MFSD11: variants seen among roughly 807,000 people sequenced by gnomAD.
MFSD11 encodes the protein major facilitator superfamily domain containing 11, also known as UNC93-like protein MFSD11.
MFSD11 carries 36 observed loss-of-function variants against 53.5 expected under a neutral mutation model. The observed-to-expected ratio is 0.67, with a 90% CI of 0.52 to 0.89. The LOEUF (loss-of-function observed/expected upper bound fraction) is 0.89. Among genes scored for constraint, MFSD11 ranks in the 40% least tolerant of loss-of-function variants. The pLI, the probability that MFSD11 is intolerant of heterozygous loss-of-function variation, is 0.00. For missense variants in MFSD11, 530 were observed against 543.9 expected, an observed-to-expected ratio of 0.97 and a Z score of 0.25; for synonymous variants, 186 against 184.9, an observed-to-expected ratio of 1.01 and a Z score of -0.05.
Position 76,764,575 on chromosome 17 carries a change from G to A in MFSD11, c.683-2811G>A, listed in dbSNP as rs559505242. ...AGGTTCATCCACGTTGCCCTAAATG[G>A]CAGGATTTCCTTTTGTAAGGCTGAA... is the stretch of plus-strand genomic sequence containing the variant. On this transcript the variant is annotated intron_variant, in intron 8 of 12. Transcript: ENST00000685175. Among the ~76,000 whole-genome samples, 120 of 152,260 alleles carry A rather than the reference G, an allele frequency of 7.9e-4. No homozygotes were observed. In the South Asian group the frequency reaches 0.012, roughly 16 times the overall value.
chr17:76,763,104 T>C (rs1031879945), intron 8 of MFSD11, among the ~76,000 whole-genome samples: 8 of 152,146 alleles, frequency 5.3e-5, no homozygotes, highest in Non-Finnish European at 1.0e-4. Flanking sequence ...TCAGATCTCT[T>C]TGATGCACAC....
At chr17:76,737,504 A>C, upstream of MFSD11, 5 of 305,962 alleles carry the variant, frequency 1.6e-5, no homozygotes, top group East Asian at 5.1e-5. Flanking sequence ...GCGGGCCAAA[A>C]AGCGCGGAGT....
At chr17:76,743,565 A>G (rs1252118729) in intron 6 of MFSD11, 109 bp downstream of exon 6, 2 of 601,076 alleles carry the variant, frequency 3.3e-6, no homozygotes, top group Admixed American at 3.1e-5. Context: ...GAACCCCGAC[A>G]CCTCAAGTTC....
intron 11 of MFSD11, 116 bp downstream of exon 11, chr17:76,775,287 C>T (rs995660906): frequency 1.1e-6 from 1 of 870,082 alleles, no homozygotes; most frequent in Non-Finnish European, 1.7e-6. Context: ...TCTCTAAGGT[C>T]ATCTGTCAAG....
intron 1 of MFSD11, chr17:76,738,674 T>G: frequency 1.7e-6 from 1 of 604,690 alleles, no homozygotes; most frequent in Non-Finnish European, 2.9e-6. Context: ...GGTTTGGATG[T>G]TAACCTGGTT....
the MFSD11 span, among the ~76,000 whole-genome samples, chr17:76,789,777 C>T: frequency 2.0e-5 from 3 of 150,158 alleles, no homozygotes; most frequent in Non-Finnish European, 4.5e-5. Flanking sequence ...TGTGTAAAAC[C>T]AAGCTGTAAC....
At chr17:76,780,999 A>G (rs2082151399), downstream of MFSD11, 1 of 152,214 alleles carries the variant, frequency 6.6e-6, no homozygotes, top group Non-Finnish European at 1.5e-5. Context: ...AATTACCTCA[A>G]AACGTAGCCA....
chr17:76,738,294 C>A lies in MFSD11; in HGVS notation c.-59C>A. ...TTTCTTTCTCCAGGATTGTCAGTGG[C>A]TTCGCCCCGAGGAGAGCTGACTGCC... On this transcript the variant is annotated 5_prime_UTR_variant, in exon 1 of 13. Transcript: ENST00000685175. 1 of 1,126,570 alleles carries A rather than the reference C, an allele frequency of 8.9e-7. No individual in the cohort carries two copies. The highest frequency in any genetic ancestry group is 1.3e-6 in the Non-Finnish European group (1 of 746,780). 69.8% of individuals were successfully genotyped at this position (1,126,570 alleles called of 1,614,324 possible).
At chr17:76,803,147 C>T in the MFSD11 span, among the ~76,000 whole-genome samples, 1 of 151,964 alleles carries the variant, frequency 6.6e-6, no homozygotes, top group African/African-American at 2.4e-5. Flanking sequence ...CAGAGTGAGA[C>T]TCCGTCTCAA....
the MFSD11 span, among the ~76,000 whole-genome samples, chr17:76,800,757 A>G: frequency 6.6e-6 from 1 of 152,156 alleles, no homozygotes; most frequent in African/African-American, 2.4e-5. Flanking sequence ...GTATACTTAG[A>G]ATTTCCTGTA....
chr17:76,794,129 C>G, the MFSD11 span, among the ~76,000 whole-genome samples: 1 of 151,300 alleles, frequency 6.6e-6, no homozygotes, highest in Non-Finnish European at 1.5e-5. Context: ...TTAAGCCACT[C>G]AATGTGATAA....
At position 76,744,378 on chromosome 17, in the gene MFSD11, G is replaced by A. The variant is rs745491209; in HGVS notation, c.553G>A (p.Val185Ile). Residue 185 changes from valine to isoleucine, a missense_variant, in exon 7 of 13, where the codon GTT (valine) becomes ATT (isoleucine). Physicochemically the swap from Val to Ile is conservative, Grantham distance 29. Coordinates refer to ENST00000685175, the MANE Select transcript of MFSD11 (RefSeq NM_001242532.5). ...AACGGTGATTAGCCTTGTGGGGACAGTTCTATTCTTTCTCATTCGGAAACC... is the reference window on the plus strand; with the variant it reads ...AACGGTGATTAGCCTTGTGGGGACAATTCTATTCTTTCTCATTCGGAAACC... The part of the protein sequence containing the change: ...ALTVISLVGT[V>I]LFFLIRKPDS... 4.0e-5 allele frequency: 64 copies of A among 1,614,084 alleles called. No individual in the cohort carries two copies. Among genetic ancestry groups the A allele is most frequent in the Non-Finnish European group, 5.3e-5 (63 of 1,179,938 alleles).
In MFSD11 at chr17:76,738,457, G is replaced by A; in HGVS notation, c.96+9G>A. 1 of 1,600,640 alleles carries A rather than the reference G, an allele frequency of 6.2e-7. No homozygotes were observed. The highest frequency in any genetic ancestry group is 8.6e-7 in the Non-Finnish European group (1 of 1,167,748). On this transcript the variant is annotated intron_variant, in intron 1 of 12. Transcript: ENST00000685175. ...CTTGTGGAAATGTGGCGGTGAGTTG[G>A]AATCTGTCCTCCCTCCTTTGAAGTG...
At chr17:76,778,111 G>A in intron 12 of MFSD11, 77 bp from the exon 13 acceptor site, 1 of 1,470,828 alleles carries the variant, frequency 6.8e-7, no homozygotes, top group Non-Finnish European at 9.5e-7. Flanking sequence ...GGGCAGGATA[G>A]GAGTGGGGCT....
At chr17:76,769,920 G>T (rs1331033340) in intron 10 of MFSD11, 49 bp downstream of exon 10, 2 of 1,540,978 alleles carry the variant, frequency 1.3e-6, no homozygotes, top group East Asian at 4.6e-5. Context: ...GTTTATTATA[G>T]GTAAAATAGA....
chr17:76,748,215 C>T (rs1598534409), intron 7 of MFSD11, among the ~76,000 whole-genome samples: 1 of 152,032 alleles, frequency 6.6e-6, no homozygotes, highest in East Asian at 1.9e-4. Flanking sequence ...CTCTGGTCTC[C>T]AAGAAGGAAG....
At chr17:76,739,782 A>C (rs2077877121) in intron 2 of MFSD11, among the ~76,000 whole-genome samples, 1 of 152,122 alleles carries the variant, frequency 6.6e-6, no homozygotes, top group Non-Finnish European at 1.5e-5. Context: ...CCTTGTATGT[A>C]ATATTTGAGA....
chr17:76,778,227 C>CATT lies in MFSD11; in HGVS notation c.1225_1226insATT (p.Leu409delinsHisPhe), dbSNP rs1198660241. 1 of 1,614,188 alleles carries CATT rather than the reference C, an allele frequency of 6.2e-7. No homozygotes were observed. Among genetic ancestry groups the CATT allele is most frequent in the Admixed American group, 1.7e-5 (1 of 60,000 alleles). ...CGTGGCATTTTTCTACAGCAACTAC[C>CATT]TTCTCCTTCACTGGCAACTCCTGGT... is the stretch of plus-strand genomic sequence containing the variant. On this transcript the variant is annotated protein_altering_variant, in exon 13 of 13. Transcript: ENST00000685175.
Position 76,775,116 on chromosome 17 carries a change from G to A in MFSD11, c.994G>A (p.Asp332Asn). 2.5e-6 allele frequency: 4 copies of A among 1,614,074 alleles called. No individual in the cohort carries two copies. The highest frequency in any genetic ancestry group is 3.4e-6 in the Non-Finnish European group (4 of 1,179,942). The change falls in exon 11 of 13, where the codon GAT (aspartate) becomes AAT (asparagine). Residue 332 changes from aspartate (D) to asparagine (N), a missense_variant. Coordinates refer to ENST00000685175, the MANE Select transcript of MFSD11 (RefSeq NM_001242532.5). ...FYLIFLNMPGDAPIAPVKGTD... is the reference protein window; with the variant it reads ...FYLIFLNMPGNAPIAPVKGTD... ...TCTAATATTTCTCAACATGCCTGGA[G>A]ATGCCCCGATTGCTCCTGTTAAAGG...
Sources: gnomAD v4.1 joint callset for allele counts (sites outside exome capture counted in the v4.1 genomes callset) on GRCh38, gnomAD v4.1.1 for gene constraint, MANE v1.5 for transcripts, NCBI Gene and HGNC (gene_info 2026-07-23, HGNC 2026-07-21) for gene names.